SDCBP: variants seen among roughly 807,000 people sequenced by gnomAD.
SDCBP encodes the protein syndecan binding protein.
A neutral mutation model predicts 30.5 loss-of-function variants in SDCBP; 22 were observed. The observed-to-expected ratio is 0.72, with a 90% CI of 0.52 to 1.03. The LOEUF (loss-of-function observed/expected upper bound fraction) is 1.03, where lower values mean the gene tolerates loss of function less well. Ranked by LOEUF, SDCBP falls within the 50% of genes least tolerant of loss-of-function variation. The pLI, the probability that SDCBP is intolerant of heterozygous loss-of-function variation, is 0.00. For missense variants in SDCBP, 304 were observed against 369.9 expected (o/e 0.82, Z 1.46); for synonymous variants, 103 against 118.7 (o/e 0.87, Z 0.86).
At chr8:58,569,543 G>A (rs138910747) in intron 2 of SDCBP, among the ~76,000 whole-genome samples, 7 of 152,234 alleles carry the variant, frequency 4.6e-5, no homozygotes, top group South Asian at 2.1e-4. Context: ...TCAAAATGTC[G>A]TATAGTTGGA....
rs1424506147 is a variant in SDCBP at position 58,562,718 on chromosome 8, CAT to C, written c.-15-2299_-15-2298del. Among the ~76,000 whole-genome samples the C allele has an allele frequency of 2.6e-5, 4 of 152,150 alleles. No homozygotes were observed. In the South Asian group the frequency reaches 6.2e-4, roughly 24 times the overall value. Reference sequence around the variant, plus strand: ...AAGATATAAATGCAGGAATTAAAGACATAACATTTTTTGAAGAAAACATAAGG... The same window carrying C: ...AAGATATAAATGCAGGAATTAAAGACAACATTTTTTGAAGAAAACATAAGG... On this transcript the variant is annotated intron_variant, in intron 1 of 8. Transcript: ENST00000260130.
At chr8:58,567,443 C>T (rs1244603124) in intron 2 of SDCBP, among the ~76,000 whole-genome samples, 1 of 152,182 alleles carries the variant, frequency 6.6e-6, no homozygotes, top group Non-Finnish European at 1.5e-5. Context: ...CTTCTGTCCT[C>T]ACACATGCAC....
At chr8:58,557,276 TA>T (rs1414929157) in intron 1 of SDCBP, among the ~76,000 whole-genome samples, 5 of 132,768 alleles carry the variant, frequency 3.8e-5, no homozygotes, top group East Asian at 2.1e-4. Flanking sequence ...TATTTATATT[TA>T]AAATATTTAT....
At position 58,574,139 on chromosome 8, in the gene SDCBP, C is replaced by T. The variant is rs144444318; in HGVS notation, c.241-1761C>T. Among the ~76,000 whole-genome samples the T allele has an allele frequency of 8.7e-3, 1,320 of 152,152 alleles. 22 individuals carry two copies. The highest frequency in any genetic ancestry group is 0.03 in the African/African-American group (1,235 of 41,496). On this transcript the variant is annotated intron_variant, in intron 4 of 8. Transcript: ENST00000260130. Reference sequence around the variant, plus strand: ...TCAATATAAATGAAGTTGCTCTCACCCTTTCTCTAGAAAGGGATGATACCA... The same window carrying T: ...TCAATATAAATGAAGTTGCTCTCACTCTTTCTCTAGAAAGGGATGATACCA...
intron 8 of SDCBP, 28 bp downstream of exon 8, chr8:58,580,636 C>T (rs762432990): frequency 9.7e-6 from 11 of 1,130,050 alleles, no homozygotes; most frequent in Admixed American, 1.7e-5. Context: ...CAACTTAATG[C>T]ATATGGTCAT....
intron 1 of SDCBP, among the ~76,000 whole-genome samples, chr8:58,557,135 T>C (rs1158810918): frequency 6.4e-5 from 7 of 109,802 alleles, no homozygotes; most frequent in African/African-American, 2.9e-4. Context: ...ATAGTATATA[T>C]TATATACAAT....
intron 2 of SDCBP, among the ~76,000 whole-genome samples, chr8:58,566,971 C>T (rs1439227337): frequency 6.6e-6 from 1 of 152,142 alleles, no homozygotes; most frequent in Admixed American, 6.6e-5. Context: ...GCAAAGTAAG[C>T]TTTTAATAAA....
At chr8:58,573,533 G>A (rs1342102973) in intron 4 of SDCBP, among the ~76,000 whole-genome samples, 4 of 152,174 alleles carry the variant, frequency 2.6e-5, no homozygotes, top group Admixed American at 1.3e-4. Context: ...AGAGCCCCAC[G>A]GAGCTGGGAC....
At chr8:58,562,072 A>G (rs1804469244) in intron 1 of SDCBP, among the ~76,000 whole-genome samples, 1 of 150,080 alleles carries the variant, frequency 6.7e-6, no homozygotes, top group South Asian at 2.1e-4. Flanking sequence ...AAGCATATCT[A>G]TTAAAAAAAA....
rs529235568 is a variant in SDCBP, at chr8:58,582,543, A to G, written c.*803A>G. The stretch of plus-strand genomic sequence containing the variant: ...AAACTTCTTTCTTCTAAAAGTTGCC[A>G]GTGCCACTTTTAAGAAGTGAATCAC... On this transcript the variant is annotated 3_prime_UTR_variant, in exon 9 of 9. Transcript: ENST00000260130. The G allele has an allele frequency of 1.3e-5, 2 of 152,762 alleles. No homozygotes were observed. The highest frequency in any genetic ancestry group is 2.4e-5 in the African/African-American group (1 of 41,584). 9.5% of individuals were successfully genotyped at this position (152,762 alleles called of 1,614,324 possible).
chr8:58,582,386 T>A lies in SDCBP; in HGVS notation c.*646T>A, dbSNP rs1418395998. The stretch of plus-strand genomic sequence containing the variant: ...AAGCCAAAATATAATTATTGCTGCC[T>A]TTCTAAAAACCCAAAATGTAGTTCT... On this transcript the variant is annotated 3_prime_UTR_variant, in exon 9 of 9. Transcript: ENST00000260130. 1 of 152,724 alleles carries A rather than the reference T, an allele frequency of 6.5e-6. No homozygotes were observed. The highest frequency in any genetic ancestry group is 2.4e-5 in the African/African-American group (1 of 41,470). 9.5% of individuals were successfully genotyped at this position (152,724 alleles called of 1,614,324 possible).
chr8:58,574,464 A>G (rs1805211304), intron 4 of SDCBP, among the ~76,000 whole-genome samples: 1 of 152,214 alleles, frequency 6.6e-6, no homozygotes. Flanking sequence ...TCCTTTGTTC[A>G]CTACATGGAT....
intron 4 of SDCBP, 126 bp downstream of exon 4, chr8:58,572,440 A>G (rs992459345): frequency 3.2e-6 from 2 of 620,644 alleles, no homozygotes; most frequent in South Asian, 2.3e-5. Flanking sequence ...CAGAAATTTT[A>G]GACTTCCTTT....
At chr8:58,578,787 T>C (rs1464519858) in intron 6 of SDCBP, among the ~76,000 whole-genome samples, 1 of 152,206 alleles carries the variant, frequency 6.6e-6, no homozygotes, top group Non-Finnish European at 1.5e-5. Flanking sequence ...AAGCTTTGAG[T>C]TTTTGTTCCT....
At chr8:58,555,019 T>C (rs896429175) in intron 1 of SDCBP, among the ~76,000 whole-genome samples, 3 of 152,218 alleles carry the variant, frequency 2.0e-5, no homozygotes, top group Non-Finnish European at 2.9e-5. Context: ...CAGGCAAACA[T>C]ATAAGCTGTA....
chr8:58,555,472 A>G lies in SDCBP; in HGVS notation c.-16+2169A>G, dbSNP rs58586560. Among the ~76,000 whole-genome samples the G allele has an allele frequency of 0.015, 2,219 of 152,250 alleles. 201 individuals carry two copies. In the East Asian group the frequency reaches 0.26, roughly 18 times the overall value. On this transcript the variant is annotated intron_variant, in intron 1 of 8. Transcript: ENST00000260130. ...ATTATTCTATTACAGTGGACTTCAT[A>G]TGGACATACTTCTTAATGGCTGATC...
At chr8:58,578,582 G>A (rs529906130) in intron 6 of SDCBP, among the ~76,000 whole-genome samples, 47 of 152,288 alleles carry the variant, frequency 3.1e-4, no homozygotes, top group African/African-American at 1.1e-3. Flanking sequence ...CTTCCAAGTA[G>A]TATGGGAGTT....
At chr8:58,579,492 C>A in intron 6 of SDCBP, 131 bp from the exon 7 acceptor site, 3 of 580,084 alleles carry the variant, frequency 5.2e-6, no homozygotes, top group Non-Finnish European at 7.9e-6. Context: ...AAAATCAGAG[C>A]CATAAGTTGC....
At chr8:58,556,040 G>A (rs1343239860) in intron 1 of SDCBP, among the ~76,000 whole-genome samples, 1 of 152,112 alleles carries the variant, frequency 6.6e-6, no homozygotes, top group Admixed American at 6.5e-5. Flanking sequence ...AGTTGAAATA[G>A]GCAACATCTT....
Sources: allele counts gnomAD v4.1 joint callset (sites outside exome capture counted in the v4.1 genomes callset), GRCh38; gene constraint gnomAD v4.1.1; transcripts MANE v1.5; gene names NCBI Gene and HGNC (gene_info 2026-07-23, HGNC 2026-07-21).